TTLL11: variants seen among roughly 807,000 people sequenced by gnomAD.
The protein encoded by TTLL11 is tubulin tyrosine ligase like 11.
TTLL11 carries 42 observed loss-of-function variants against 51.7 expected under a neutral mutation model. The observed-to-expected ratio is 0.81, with a 90% CI of 0.64 to 1.05. The LOEUF is 1.05. Among genes scored for constraint, TTLL11 ranks in the 50% least tolerant of loss-of-function variants. The pLI, the probability that TTLL11 is intolerant of heterozygous loss-of-function variation, is 0.00. For synonymous variants in TTLL11, 381 were observed against 383.5 expected (o/e 0.99, Z 0.08); for missense variants, 799 against 940.4 (o/e 0.85, Z 1.97).
rs57711125 is a variant in TTLL11, at chr9:121,853,043, C to A, written c.1840+7294G>T. On this transcript the variant is annotated intron_variant, in intron 8 of 8. Transcript: ENST00000321582. The surrounding 1 kb of genome is among the most constrained non-coding windows in gnomAD (Gnocchi z 5.6). ...TTCAATATTTCAGTGCATCGTTAAC[C>A]AAATACATTTCAGCTGGGGCTTACT... Among the ~76,000 whole-genome samples, 2,576 of 152,306 alleles carry A rather than the reference C, an allele frequency of 0.017. 55 individuals are homozygous for A. Among genetic ancestry groups the A allele is most frequent in the African/African-American group, 0.055 (2,305 of 41,572 alleles).
At chr9:122,027,873 A>T (rs1341201686) in intron 3 of TTLL11, among the ~76,000 whole-genome samples, 1 of 152,238 alleles carries the variant, frequency 6.6e-6, no homozygotes, top group East Asian at 1.9e-4. Flanking sequence ...AGACAAATGT[A>T]CTAATCTTTT....
chr9:121,888,692 G>A (rs549819960), intron 6 of TTLL11, among the ~76,000 whole-genome samples: 3 of 152,338 alleles, frequency 2.0e-5, no homozygotes, highest in East Asian at 1.9e-4. Flanking sequence ...CCTCAACTAC[G>A]AGCAGGGGGG....
intron 8 of TTLL11, among the ~76,000 whole-genome samples, chr9:121,858,931 G>T (rs1037522030): frequency 6.6e-6 from 1 of 152,172 alleles, no homozygotes; most frequent in Non-Finnish European, 1.5e-5. Flanking sequence ...CACTCCTCAC[G>T]ACCCGGTGCC....
chr9:121,966,292 C>T (rs889650586), intron 6 of TTLL11, among the ~76,000 whole-genome samples: 1 of 152,172 alleles, frequency 6.6e-6, no homozygotes, highest in Non-Finnish European at 1.5e-5. Flanking sequence ...GTCCATAACC[C>T]AGCTCCCAGG....
intron 1 of TTLL11, among the ~76,000 whole-genome samples, chr9:122,082,801 G>A (rs1236272963): frequency 6.6e-6 from 1 of 152,180 alleles, no homozygotes; most frequent in Non-Finnish European, 1.5e-5. Context: ...GGGAGGCTGA[G>A]GCGGGAGAAT....
chr9:121,863,543 C>T (rs552417612), intron 7 of TTLL11, among the ~76,000 whole-genome samples: 1 of 152,304 alleles, frequency 6.6e-6, no homozygotes, highest in East Asian at 1.9e-4. Context: ...AGAAATTCTC[C>T]GTTTATTCCC....
intron 6 of TTLL11, among the ~76,000 whole-genome samples, chr9:121,907,893 T>C (rs1290251520): frequency 6.6e-6 from 1 of 152,224 alleles, no homozygotes; most frequent in Non-Finnish European, 1.5e-5. Flanking sequence ...AAGTGTTGCA[T>C]GCTAAAAAGT....
At chr9:121,828,024 A>G (rs1836872394) in intron 8 of TTLL11, among the ~76,000 whole-genome samples, 1 of 152,168 alleles carries the variant, frequency 6.6e-6, no homozygotes, top group Non-Finnish European at 1.5e-5. Flanking sequence ...TTATTATAAC[A>G]ACATATAATG....
In TTLL11 at chr9:121,931,224, C is replaced by T. The variant is rs376291235; in HGVS notation, c.1481+42785G>A. 4.6e-5 allele frequency among the ~76,000 whole-genome samples: 7 copies of T among 152,230 alleles called. No homozygotes were observed. The East Asian group carries it at 7.7e-4, about 17-fold the overall frequency. On this transcript the variant is annotated intron_variant, in intron 6 of 8. Coordinates refer to ENST00000321582, the MANE Select transcript of TTLL11 (RefSeq NM_001139442.2). Reference sequence around the variant, plus strand: ...ACCGAAGCGCTGGGTAATGATCTAACGTGCTTGGGGCAGAGAGCACATGCT... The same window carrying T: ...ACCGAAGCGCTGGGTAATGATCTAATGTGCTTGGGGCAGAGAGCACATGCT...
intron 6 of TTLL11, among the ~76,000 whole-genome samples, chr9:121,966,931 T>G (rs536210866): frequency 6.6e-6 from 1 of 152,218 alleles, no homozygotes; most frequent in Non-Finnish European, 1.5e-5. Context: ...AAAGCCTGAT[T>G]GACCACTTGG....
At chr9:121,865,909 T>C (rs1838160906) in intron 7 of TTLL11, among the ~76,000 whole-genome samples, 1 of 152,204 alleles carries the variant, frequency 6.6e-6, no homozygotes, top group African/African-American at 2.4e-5. Flanking sequence ...GGCATTAGCA[T>C]AATTCACTCC....
At chr9:121,838,966 G>A (rs1340708469) in intron 8 of TTLL11, among the ~76,000 whole-genome samples, 7 of 152,118 alleles carry the variant, frequency 4.6e-5, no homozygotes, top group Non-Finnish European at 8.8e-5. Flanking sequence ...CCCTGCTCCC[G>A]TCACCCTGCG....
At chr9:121,956,371 T>C (rs563460914) in intron 6 of TTLL11, among the ~76,000 whole-genome samples, 2 of 152,354 alleles carry the variant, frequency 1.3e-5, no homozygotes, top group East Asian at 3.9e-4. Flanking sequence ...GAAACCCGCA[T>C]AGAAAGGCAG....
chr9:121,850,078 T>TA (rs371186883), intron 8 of TTLL11, among the ~76,000 whole-genome samples: 2,411 of 151,348 alleles, frequency 0.016, 52 homozygotes, highest in African/African-American at 0.055. Context: ...TTATTTTTCT[T>TA]AAAAAAAACC....
chr9:121,816,451 T>C lies in TTLL11; in HGVS notation c.*6136A>G, dbSNP rs1564253942. On this transcript the variant is annotated 3_prime_UTR_variant, in exon 9 of 9. Coordinates refer to ENST00000321582, the MANE Select transcript of TTLL11 (RefSeq NM_001139442.2). ...AAAGAGCCCTCTCCACTCCGCTCTC[T>C]AAATAACACTCGGAAGCCAATCACC... 6.6e-6 allele frequency: 1 copy of C among 152,368 alleles called. No homozygotes were observed. Among genetic ancestry groups the C allele is most frequent in the South Asian group, 2.1e-4 (1 of 4,826 alleles). 9.4% of individuals were successfully genotyped at this position (152,368 alleles called of 1,614,324 possible).
rs557992516 is a variant in TTLL11 at position 121,974,161 on chromosome 9, C to G, written c.1366-37G>C. Reference sequence around the variant, plus strand: ...AAGGATTCTGTGTCACAGTGGAGACCGTGATTCCGTGCCAAGTGGCTATCC... The same window carrying G: ...AAGGATTCTGTGTCACAGTGGAGACGGTGATTCCGTGCCAAGTGGCTATCC... On this transcript the variant is annotated intron_variant, in intron 5 of 8. Transcript: ENST00000321582. 6 of 1,476,598 alleles carry G rather than the reference C, an allele frequency of 4.1e-6. No homozygotes were observed. In the South Asian group the frequency reaches 7.3e-5, roughly 18 times the overall value. 91.5% of individuals were successfully genotyped at this position (1,476,598 alleles called of 1,614,324 possible). A position where few individuals can be genotyped will look rare whatever the true frequency, so the allele number is the denominator to read the frequency against.
At chr9:121,964,711 C>T (rs1481079868) in intron 6 of TTLL11, among the ~76,000 whole-genome samples, 1 of 152,172 alleles carries the variant, frequency 6.6e-6, no homozygotes, top group East Asian at 1.9e-4. Flanking sequence ...TACCTGAACT[C>T]CTCGAGGCTC....
intron 1 of TTLL11, among the ~76,000 whole-genome samples, chr9:122,079,062 G>A (rs1022057455): frequency 1.6e-4 from 24 of 152,050 alleles, no homozygotes; most frequent in Non-Finnish European, 2.9e-4. Context: ...AAGTTGTTAT[G>A]TGCACATATG....
At chr9:121,939,854 C>G (rs1265817271) in intron 6 of TTLL11, among the ~76,000 whole-genome samples, 1 of 152,066 alleles carries the variant, frequency 6.6e-6, no homozygotes, top group Non-Finnish European at 1.5e-5. Context: ...CTCTGAAGAG[C>G]CGTCCAGGCT....
Sources: gnomAD v4.1 joint callset for allele counts (sites outside exome capture counted in the v4.1 genomes callset) on GRCh38, gnomAD v4.1.1 for gene constraint, Gnocchi (gnomAD v3.1) non-coding constraint, MANE v1.5 for transcripts, NCBI Gene and HGNC (gene_info 2026-07-23, HGNC 2026-07-21) for gene names.